TDRD9: variants seen among roughly 807,000 people sequenced by gnomAD.
TDRD9 encodes the protein ATP-dependent RNA helicase TDRD9.
TDRD9 carries 124 observed loss-of-function variants against 172.6 expected under a neutral mutation model. The observed-to-expected ratio is 0.72, with a 90% CI of 0.62 to 0.83. TDRD9 has a LOEUF of 0.83. TDRD9 is among the 40% of genes least tolerant of loss of function. TDRD9 has a pLI of 0.00. For synonymous variants in TDRD9, 619 were observed against 617.1 expected (o/e 1.00, Z -0.05); for missense variants, 1,479 against 1,714.1 (o/e 0.86, Z 2.42).
chr14:103,957,550 G>C (rs1366283011), intron 2 of TDRD9, among the ~76,000 whole-genome samples: 1 of 152,234 alleles, frequency 6.6e-6, no homozygotes, highest in African/African-American at 2.4e-5. Context: ...TCTATGGGAA[G>C]TCTTAAGAAT....
chr14:104,046,079 C>T (rs1312786131), intron 34 of TDRD9, among the ~76,000 whole-genome samples: 1 of 152,138 alleles, frequency 6.6e-6, no homozygotes, highest in African/African-American at 2.4e-5. Flanking sequence ...GCCTCAGCCT[C>T]CCGAGTAGCT....
intron 1 of TDRD9, among the ~76,000 whole-genome samples, chr14:103,952,741 T>C (rs1223768929): frequency 3.1e-5 from 4 of 130,606 alleles, no homozygotes; most frequent in Admixed American, 7.9e-5. Context: ...TTTTTTTTTT[T>C]TTTTTTTTTT....
intron 1 of TDRD9, among the ~76,000 whole-genome samples, chr14:103,939,198 A>G (rs1294772274): frequency 6.6e-6 from 1 of 152,152 alleles, no homozygotes; most frequent in African/African-American, 2.4e-5. Flanking sequence ...TTGGAGAGTG[A>G]AGGAAATGAT....
At chr14:103,945,150 A>G (rs2031492817) in intron 1 of TDRD9, among the ~76,000 whole-genome samples, 1 of 152,248 alleles carries the variant, frequency 6.6e-6, no homozygotes, top group East Asian at 1.9e-4. Context: ...TGGAGGTCAG[A>G]GAAGACCTTT....
intron 28 of TDRD9, among the ~76,000 whole-genome samples, chr14:104,027,825 T>G (rs1666239936): frequency 6.6e-6 from 1 of 152,204 alleles, no homozygotes; most frequent in African/African-American, 2.4e-5. Context: ...ATTTTGTTTG[T>G]TAACCAACTT....
chr14:104,024,749 T>TACACACAC (rs60394937), intron 25 of TDRD9, 69 bp downstream of exon 25: 111 of 435,098 alleles, frequency 2.6e-4, no homozygotes, highest in African/African-American at 2.1e-3. Context: ...ACAGGAAGTT[T>TACACACAC]ACACACACAC....
chr14:104,038,439 A>G (rs547527292), intron 32 of TDRD9, among the ~76,000 whole-genome samples: 3 of 152,254 alleles, frequency 2.0e-5, no homozygotes, highest in Admixed American at 6.5e-5. Flanking sequence ...GTGAGGAACT[A>G]TGTCAGGGTA....
intron 2 of TDRD9, among the ~76,000 whole-genome samples, chr14:103,956,099 AAAAAAAAAAAAAATATATATATATATAT>A (rs1263050361): frequency 3.8e-5 from 2 of 53,328 alleles, no homozygotes; most frequent in Non-Finnish European, 6.7e-5. Context: ...AAAAAAAAAA[AAAAAAAAAAAAAATATATATATATATAT>A]ATATATATAT....
chr14:104,026,209 A>G lies in TDRD9; in HGVS notation c.3021+73A>G, dbSNP rs1596003088. The G allele has an allele frequency of 4.7e-6, 5 of 1,060,506 alleles. No individual in the cohort carries two copies. The South Asian group carries it at 5.3e-5, about 11-fold the overall frequency. The allele number at this position is 1,060,506 out of a possible 1,614,324, so 65.7% of individuals were successfully genotyped here. A position where few individuals can be genotyped will look rare whatever the true frequency, so the allele number is the denominator to read the frequency against. On this transcript the variant is annotated intron_variant, in intron 27 of 35. Coordinates refer to ENST00000409874, the MANE Select transcript of TDRD9 (RefSeq NM_153046.3). ...ATTCCTGGGTGGATTCCTGGGTCAT[A>G]TGGTGCCCTGCCTCGGCTTACAGCT... is the stretch of plus-strand genomic sequence containing the variant.
At chr14:103,977,630 CTTTTT>C (rs766681794) in intron 7 of TDRD9, among the ~76,000 whole-genome samples, 2 of 114,436 alleles carry the variant, frequency 1.7e-5, no homozygotes, top group Non-Finnish European at 1.8e-5. Flanking sequence ...TGATTTCTTT[CTTTTT>C]TTTTTTTTTT....
chr14:103,965,431 C>T lies in TDRD9; in HGVS notation c.519C>T (p.Tyr173=), dbSNP rs985607626. ...TCCCGCAGTATATCTTGGACCACTA[C>T]GTTCAGCGCTCCGCCTACTGCAGCA... is the stretch of plus-strand genomic sequence containing the variant. ...TQLPQYILDH[Y]VQRSAYCSIV... Residue 173 remains tyrosine, a synonymous_variant, in exon 4 of 36, where the codon TAC becomes TAT. Coordinates refer to ENST00000409874, the MANE Select transcript of TDRD9 (RefSeq NM_153046.3). 2.1e-5 allele frequency: 33 copies of T among 1,551,494 alleles called. No homozygotes were observed. The highest frequency in any genetic ancestry group is 1.5e-4 in the East Asian group (6 of 40,926).
At position 103,975,568 on chromosome 14, in the gene TDRD9, G is replaced by A. The variant is rs1251478233; in HGVS notation, c.1011+15G>A. On this transcript the variant is annotated intron_variant, in intron 7 of 35. Transcript: ENST00000409874. The stretch of plus-strand genomic sequence containing the variant: ...ATCATAGCAAGGTATGTTAGAATGT[G>A]CTGTTTCTTTTATAGTGAGCGTACT... The A allele has an allele frequency of 6.3e-7, 1 of 1,582,966 alleles. No individual in the cohort carries two copies. Among genetic ancestry groups the A allele is most frequent in the Admixed American group, 1.8e-5 (1 of 54,936 alleles).
Position 104,037,152 on chromosome 14 carries a change from G to A in TDRD9, c.3716+2096G>A, listed in dbSNP as rs576747052. On this transcript the variant is annotated intron_variant, in intron 32 of 35. Transcript: ENST00000409874. ...TTTCACTTTAAATATGCAGTCTTCT[G>A]CAGCGAGCAGGAGGGGGGTCTTCAG... Among the ~76,000 whole-genome samples, 5 of 152,094 alleles carry A rather than the reference G, an allele frequency of 3.3e-5. No individual in the cohort carries two copies. The South Asian group carries it at 1.0e-3, about 32-fold the overall frequency.
chr14:103,970,973 A>G (rs1027399491), intron 6 of TDRD9, among the ~76,000 whole-genome samples: 1 of 152,032 alleles, frequency 6.6e-6, no homozygotes, highest in Admixed American at 6.5e-5. Flanking sequence ...GAATCTGGAT[A>G]CAGAGGGCTG....
rs573391502 is a variant in TDRD9 at position 104,017,398 on chromosome 14, T to C, written c.2332-694T>C. Among the ~76,000 whole-genome samples the C allele has an allele frequency of 2.0e-5, 3 of 152,374 alleles. No homozygotes were observed. In the South Asian group the frequency reaches 6.2e-4, roughly 32 times the overall value. On this transcript the variant is annotated intron_variant, in intron 22 of 35. Coordinates refer to ENST00000409874, the MANE Select transcript of TDRD9 (RefSeq NM_153046.3). ...AGTTGGGGATTTCTCATGTCATTCTTATTTCATGATGTGGCAGTTGGGTCT... is the reference window on the plus strand; with the variant it reads ...AGTTGGGGATTTCTCATGTCATTCTCATTTCATGATGTGGCAGTTGGGTCT...
At chr14:103,944,033 C>G (rs73352447) in intron 1 of TDRD9, among the ~76,000 whole-genome samples, 1 of 152,142 alleles carries the variant, frequency 6.6e-6, no homozygotes, top group Admixed American at 6.5e-5. Flanking sequence ...AAAATTACAG[C>G]GAATCTTGCC....
At chr14:103,934,416 A>G (rs2030614706) in intron 1 of TDRD9, among the ~76,000 whole-genome samples, 1 of 152,178 alleles carries the variant, frequency 6.6e-6, no homozygotes, top group Admixed American at 6.5e-5. Flanking sequence ...TGTATGTACT[A>G]TGTGCAGCTG....
chr14:103,929,155 TACTGG>T (rs2030194594), intron 1 of TDRD9, among the ~76,000 whole-genome samples: 1 of 152,068 alleles, frequency 6.6e-6, no homozygotes. Flanking sequence ...TCACGCCTCG[TACTGG>T]ACGTTCTGTG....
chr14:104,037,405 G>A (rs990507449), intron 32 of TDRD9, among the ~76,000 whole-genome samples: 46 of 152,286 alleles, frequency 3.0e-4, no homozygotes, highest in African/African-American at 1.1e-3. Context: ...CTTGTTAAAC[G>A]CGAAGCTTGC....
Sources: gnomAD v4.1 joint callset for allele counts (sites outside exome capture counted in the v4.1 genomes callset) on GRCh38, gnomAD v4.1.1 for gene constraint, MANE v1.5 for transcripts, NCBI Gene and HGNC (gene_info 2026-07-23, HGNC 2026-07-21) for gene names.